NAV3: variants seen among roughly 807,000 people sequenced by gnomAD.
NAV3 encodes the protein pore membrane and/or filament interacting like protein 1.
Under a neutral mutation model 244.7 loss-of-function variants are expected in NAV3, and 87 were observed. The observed-to-expected ratio is 0.36, with a 90% CI of 0.30 to 0.42. The LOEUF (loss-of-function observed/expected upper bound fraction) is 0.42, where lower values mean the gene tolerates loss of function less well. Ranked by LOEUF, NAV3 falls within the 20% of genes least tolerant of loss-of-function variation. NAV3 has a pLI of 1.00. For missense variants in NAV3, 2,663 were observed against 2,893.3 expected, an observed-to-expected ratio of 0.92 and a Z score of 1.83; for synonymous variants, 1,126 against 1,042.2, an observed-to-expected ratio of 1.08 and a Z score of -1.55.
intron 5 of NAV3, among the ~76,000 whole-genome samples, chr12:77,986,167 G>C (rs953297349): frequency 2.0e-5 from 3 of 152,140 alleles, no homozygotes; most frequent in Admixed American, 2.0e-4. Context: ...TTTGAGACTA[G>C]TCTAGCCAAC....
intron 2 of NAV3, among the ~76,000 whole-genome samples, chr12:77,692,976 T>C (rs1387162174): frequency 1.3e-5 from 2 of 152,004 alleles, no homozygotes; most frequent in African/African-American, 4.8e-5. Context: ...ATCCGAAGAA[T>C]AGGAGTTAAC....
intron 12 of NAV3, among the ~76,000 whole-genome samples, chr12:78,115,472 C>G (rs919729063): frequency 6.6e-6 from 1 of 152,172 alleles, no homozygotes; most frequent in African/African-American, 2.4e-5. Context: ...TTATTCAACA[C>G]TATTTCTGCA....
At chr12:77,963,148 TA>T (rs200573547) in intron 3 of NAV3, among the ~76,000 whole-genome samples, 3 of 152,208 alleles carry the variant, frequency 2.0e-5, no homozygotes, top group African/African-American at 7.2e-5. Context: ...GGTTTTTAGT[TA>T]AAAAAATTGA....
chr12:77,789,646 C>T (rs1219829534), intron 2 of NAV3, among the ~76,000 whole-genome samples: 1 of 151,628 alleles, frequency 6.6e-6, no homozygotes, highest in Non-Finnish European at 1.5e-5. Context: ...CCCGTCTCTA[C>T]TAAAAATACA....
chr12:77,994,677 T>G (rs774362922), intron 5 of NAV3, 126 bp from the exon 6 acceptor site: 10 of 643,832 alleles, frequency 1.6e-5, no homozygotes, highest in Non-Finnish European at 1.8e-5. Context: ...ATTAATTTGT[T>G]CTTTATACAT....
At chr12:78,128,332 C>G (rs978174267) in intron 17 of NAV3, among the ~76,000 whole-genome samples, 2 of 151,204 alleles carry the variant, frequency 1.3e-5, no homozygotes, top group African/African-American at 4.9e-5. Context: ...TGTGACCATC[C>G]TTCATTTCCC....
chr12:77,715,273 A>G (rs1217780535), intron 2 of NAV3, among the ~76,000 whole-genome samples: 1 of 151,956 alleles, frequency 6.6e-6, no homozygotes, highest in Admixed American at 6.6e-5. Context: ...GTTAGTTAAT[A>G]TATTGTTGGT....
intron 2 of NAV3, among the ~76,000 whole-genome samples, chr12:77,754,263 C>T (rs751515531): frequency 3.9e-5 from 6 of 152,094 alleles, no homozygotes; most frequent in African/African-American, 9.7e-5. Flanking sequence ...GGAATACCAA[C>T]GCCCCAGTCA....
intron 2 of NAV3, among the ~76,000 whole-genome samples, chr12:77,755,611 C>CTCCT (rs1186550811): frequency 0.067 from 2,548 of 38,144 alleles, 382 homozygotes; most frequent in East Asian, 0.19. Flanking sequence ...CCCTCCCTCC[C>CTCCT]TCCTTCCTTC....
intron 1 of NAV3, among the ~76,000 whole-genome samples, chr12:77,882,621 A>C (rs1882793905): frequency 6.6e-6 from 1 of 152,214 alleles, no homozygotes; most frequent in Admixed American, 6.5e-5. Flanking sequence ...ATTGAAAGAA[A>C]CTATCAACAG....
At chr12:77,800,030 T>C (rs1871626967) in intron 2 of NAV3, among the ~76,000 whole-genome samples, 1 of 152,198 alleles carries the variant, frequency 6.6e-6, no homozygotes, top group South Asian at 2.1e-4. Flanking sequence ...CCATAGCATC[T>C]ACTTGCTTTC....
chr12:78,200,431 A>G, intron 37 of NAV3, 42 bp from the exon 38 acceptor site: 1 of 1,247,238 alleles, frequency 8.0e-7, no homozygotes, highest in Non-Finnish European at 1.1e-6. Context: ...TTAGATTATT[A>G]AATATAACTC....
intron 1 of NAV3, among the ~76,000 whole-genome samples, chr12:77,866,890 T>C (rs1268308051): frequency 6.6e-6 from 1 of 152,206 alleles, no homozygotes; most frequent in Non-Finnish European, 1.5e-5. Flanking sequence ...TTACATATAC[T>C]TACTTTCATC....
chr12:78,062,675 A>G (rs1030526283), intron 12 of NAV3, among the ~76,000 whole-genome samples: 3 of 152,134 alleles, frequency 2.0e-5, no homozygotes, highest in Non-Finnish European at 4.4e-5. Context: ...CTTCTCCAAT[A>G]TAATAGCAGA....
At chr12:77,729,567 G>A (rs539935667) in intron 2 of NAV3, among the ~76,000 whole-genome samples, 4 of 151,946 alleles carry the variant, frequency 2.6e-5, no homozygotes, top group Non-Finnish European at 5.9e-5. Context: ...CAGAGCATAG[G>A]AAGCTTATAA....
At chr12:78,157,786 T>TGA (rs367611002) in intron 22 of NAV3, among the ~76,000 whole-genome samples, 2,650 of 149,186 alleles carry the variant, frequency 0.018, 71 homozygotes, top group African/African-American at 0.06. Context: ...TGTGTTTGTG[T>TGA]GAGAGAGAGA....
rs116947154 is a variant in NAV3, at chr12:77,662,151, C to T, written c.72+89885C>T. On this transcript the variant is annotated intron_variant, in intron 2 of 8. Coordinates refer to the NAV3 transcript ENST00000550042. The stretch of plus-strand genomic sequence containing the variant: ...CAACCTGAGGAGAATGACATCTTAA[C>T]GATATTGAGTCTTGAATCGATTAAA... 3.7e-3 allele frequency among the ~76,000 whole-genome samples: 565 copies of T among 151,954 alleles called. 3 individuals are homozygous for T. Among genetic ancestry groups the T allele is most frequent in the African/African-American group, 1.0e-2 (414 of 41,498 alleles).
chr12:77,592,995 G>A (rs1471130748), intron 2 of NAV3, among the ~76,000 whole-genome samples: 1 of 152,142 alleles, frequency 6.6e-6, no homozygotes, highest in South Asian at 2.1e-4. Context: ...GATGGAGGTG[G>A]TGAAAACTGA....
intron 2 of NAV3, among the ~76,000 whole-genome samples, chr12:77,596,171 A>G (rs1870159905): frequency 6.6e-6 from 1 of 152,162 alleles, no homozygotes; most frequent in Non-Finnish European, 1.5e-5. Context: ...TTGACCTTGC[A>G]TAAGAGGCTT....
Sources: allele counts gnomAD v4.1 joint callset (sites outside exome capture counted in the v4.1 genomes callset), GRCh38; gene constraint gnomAD v4.1.1; transcripts MANE v1.5; gene names NCBI Gene and HGNC (gene_info 2026-07-23, HGNC 2026-07-21).